Variants in CASK observed in about 807,000 individuals in gnomAD.
The protein encoded by CASK is peripheral plasma membrane protein CASK.
Under a neutral mutation model 82.9 loss-of-function variants are expected in CASK, and 4 were observed. The ratio of observed to expected loss-of-function variants is 0.05; its 90% CI spans 0.02 to 0.11. The LOEUF (loss-of-function observed/expected upper bound fraction) is 0.11. CASK is among the 10% of genes least tolerant of loss of function. CASK has a pLI of 1.00. For missense variants in CASK, 358 were observed against 720.9 expected (o/e 0.50, Z 5.76); for synonymous variants, 259 against 253.5 (o/e 1.02, Z -0.20).
At chrX:41,622,183 G>T (rs2066297148) in intron 11 of CASK, among the ~76,000 whole-genome samples, 1 of 112,003 alleles carries the variant, frequency 8.9e-6, no homozygotes, top group African/African-American at 3.2e-5. Flanking sequence ...TATTTCACAG[G>T]TCCAAATAAA....
intron 2 of CASK, among the ~76,000 whole-genome samples, chrX:41,797,953 G>A (rs908311564): frequency 8.9e-6 from 1 of 111,815 alleles, no homozygotes; most frequent in African/African-American, 3.2e-5. Flanking sequence ...AAAACTTCAA[G>A]GTACTACTAC....
At chrX:41,922,800 G>T (rs1569483703) in intron 1 of CASK, 130 bp downstream of exon 1, 1 of 586,721 alleles carries the variant, frequency 1.7e-6, no homozygotes, top group Non-Finnish European at 2.9e-6. Context: ...AATACTCCAG[G>T]ATGAGAAGGA....
chrX:41,744,392 C>T (rs1394726049), intron 4 of CASK, among the ~76,000 whole-genome samples: 2 of 107,287 alleles, frequency 1.9e-5, no homozygotes, highest in East Asian at 5.9e-4. Context: ...GTCGCCCAGG[C>T]TGGAGTGCAA....
rs1330318114 is a variant in CASK at position 41,626,389 on chromosome X, G to A, written c.1015+215C>T. Among the ~76,000 whole-genome samples the A allele has an allele frequency of 3.6e-5, 4 of 111,900 alleles. No homozygotes were observed. In the Admixed American group the frequency reaches 3.8e-4, roughly 11 times the overall value. Reference sequence around the variant, plus strand: ...TACTGAGGTGAAAAGAAAAAAAAATGAAGTGTTGGTTTTGGAGCCACAGGA... The same window carrying A: ...TACTGAGGTGAAAAGAAAAAAAAATAAAGTGTTGGTTTTGGAGCCACAGGA... On this transcript the variant is annotated intron_variant, in intron 10 of 26. Transcript: ENST00000378163.
At chrX:41,865,852 G>A (rs1343390678) in intron 1 of CASK, among the ~76,000 whole-genome samples, 2 of 111,807 alleles carry the variant, frequency 1.8e-5, no homozygotes, top group African/African-American at 6.5e-5. Context: ...GCCATCTGCA[G>A]GGATAAAAGG....
chrX:41,817,199 T>C (rs2070429414), intron 2 of CASK, among the ~76,000 whole-genome samples: 1 of 111,953 alleles, frequency 8.9e-6, no homozygotes, highest in Non-Finnish European at 1.9e-5. Flanking sequence ...CTCAGCAAAC[T>C]TGGAATAGAA....
chrX:41,541,340 C>T (rs188811691), intron 22 of CASK, among the ~76,000 whole-genome samples: 1 of 112,189 alleles, frequency 8.9e-6, no homozygotes, highest in East Asian at 2.8e-4. Flanking sequence ...GGATTACAGG[C>T]ACCACCACCG....
intron 11 of CASK, among the ~76,000 whole-genome samples, chrX:41,613,036 T>A (rs1382876146): frequency 1.2e-5 from 1 of 86,741 alleles, no homozygotes; most frequent in Admixed American, 1.2e-4. Flanking sequence ...CCTGGCCAGC[T>A]GCCCCGTCTG....
At chrX:41,831,419 C>G (rs1234240967) in intron 2 of CASK, among the ~76,000 whole-genome samples, 3 of 111,839 alleles carry the variant, frequency 2.7e-5, no homozygotes, top group African/African-American at 9.8e-5. Flanking sequence ...GAAGATAAGA[C>G]AACAGATATG....
rs919975860 is a variant in CASK, at chrX:41,923,161, C to G, written c.-173G>C. ...GGCCCAGAGACTGCGGCGCCTTCCT[C>G]TGCAGGCGACCGCCCCGGCGCGGGC... On this transcript the variant is annotated 5_prime_UTR_variant, in exon 1 of 27. Transcript: ENST00000378163. 2 of 241,085 alleles carry G rather than the reference C, an allele frequency of 8.3e-6. No homozygotes were observed. The highest frequency in any genetic ancestry group is 5.9e-5 in the African/African-American group (2 of 33,977). The allele number at this position is 241,085 out of a possible 1,213,427, so 19.9% of individuals were successfully genotyped here.
At chrX:41,607,432 C>T (rs1214749769) in intron 12 of CASK, among the ~76,000 whole-genome samples, 1 of 112,485 alleles carries the variant, frequency 8.9e-6, no homozygotes, top group Non-Finnish European at 1.9e-5. Context: ...ATGACCTAAG[C>T]ACTGACCACA....
At chrX:41,908,635 G>C (rs1349667591) in intron 1 of CASK, among the ~76,000 whole-genome samples, 4 of 111,944 alleles carry the variant, frequency 3.6e-5, no homozygotes, top group South Asian at 3.7e-4. Flanking sequence ...AGAGTAGTAT[G>C]TTATTTTCAT....
chrX:41,696,133 C>A, intron 5 of CASK: 1 of 1,207,107 alleles, frequency 8.3e-7, no homozygotes, highest in Non-Finnish European at 1.1e-6. Flanking sequence ...AAGGCAATAA[C>A]AACCAAACAA....
At chrX:41,747,837 T>A (rs900767525) in intron 3 of CASK, among the ~76,000 whole-genome samples, 1 of 112,720 alleles carries the variant, frequency 8.9e-6, no homozygotes. Flanking sequence ...TCTACTAGGA[T>A]AATGATTATT....
At chrX:41,544,549 G>A (rs1438330962) in intron 21 of CASK, among the ~76,000 whole-genome samples, 1 of 95,878 alleles carries the variant, frequency 1.0e-5, no homozygotes, top group Non-Finnish European at 2.1e-5. Context: ...CTGGGCAACC[G>A]AGCGAGACCT....
chrX:41,844,053 T>C (rs2071100449), intron 2 of CASK, among the ~76,000 whole-genome samples: 1 of 111,692 alleles, frequency 9.0e-6, no homozygotes, highest in Admixed American at 9.5e-5. Context: ...AGGAGTAAAA[T>C]GGCTGGGTCA....
intron 8 of CASK, among the ~76,000 whole-genome samples, chrX:41,648,843 C>T (rs1043313837): frequency 2.2e-4 from 24 of 111,508 alleles, no homozygotes; most frequent in African/African-American, 6.5e-4. Flanking sequence ...CCAGCTCCTC[C>T]TTGTACCTCT....
intron 24 of CASK, among the ~76,000 whole-genome samples, chrX:41,533,556 A>G (rs1032105198): frequency 8.9e-6 from 1 of 112,765 alleles, no homozygotes; most frequent in Non-Finnish European, 1.9e-5. Context: ...TGAAGGCCCT[A>G]TAGAATGGAG....
chrX:41,912,181 T>G (rs771421853), intron 1 of CASK, among the ~76,000 whole-genome samples: 1 of 110,000 alleles, frequency 9.1e-6, no homozygotes, highest in East Asian at 2.8e-4. Context: ...TAAGTGGGAG[T>G]TGAACAATGA....
Sources: gnomAD v4.1 joint callset for allele counts (sites outside exome capture counted in the v4.1 genomes callset) on GRCh38, gnomAD v4.1.1 for gene constraint, MANE v1.5 for transcripts, NCBI Gene and HGNC (gene_info 2026-07-23, HGNC 2026-07-21) for gene names.